Variants in CACNA2D3 observed in about 807,000 individuals in gnomAD.
CACNA2D3 encodes voltage-dependent calcium channel subunit alpha-2/delta-3.
In CACNA2D3, 60 loss-of-function variants were observed where a neutral mutation model predicts 160.6. That is an observed-to-expected ratio of 0.37 (90% CI 0.30 to 0.46). The LOEUF (loss-of-function observed/expected upper bound fraction) is 0.46. Ranked by LOEUF, CACNA2D3 falls within the 20% of genes least tolerant of loss-of-function variation. The probability of loss-of-function intolerance (pLI) is 1.00; values close to 1 mark genes in which losing one functional copy is unlikely to be tolerated. For synonymous variants in CACNA2D3, 558 were observed against 492.9 expected (o/e 1.13, Z -1.75); for missense variants, 1,205 against 1,365.0 (o/e 0.88, Z 1.85).
chr3:54,865,151 A>G (rs569879035), intron 17 of CACNA2D3, among the ~76,000 whole-genome samples: 1 of 152,352 alleles, frequency 6.6e-6, no homozygotes, highest in South Asian at 2.1e-4. Flanking sequence ...TTTTAGGAAA[A>G]CAATGAACCT....
chr3:54,270,863 A>T (rs898903825), intron 2 of CACNA2D3, among the ~76,000 whole-genome samples: 1 of 152,192 alleles, frequency 6.6e-6, no homozygotes, highest in East Asian at 1.9e-4. Flanking sequence ...TCCATCTTCA[A>T]AACAGTGCAC....
At chr3:54,144,480 A>G (rs1430884348) in intron 2 of CACNA2D3, among the ~76,000 whole-genome samples, 2 of 152,222 alleles carry the variant, frequency 1.3e-5, no homozygotes, top group African/African-American at 4.8e-5. Flanking sequence ...TTGCATGTGC[A>G]TATGTGAAAT....
At chr3:54,481,447 T>TG (rs918090135) in intron 4 of CACNA2D3, among the ~76,000 whole-genome samples, 1 of 152,144 alleles carries the variant, frequency 6.6e-6, no homozygotes. Flanking sequence ...CCCTGGAATT[T>TG]GGGGTGGCTT....
At chr3:54,976,906 G>T (rs542366804) in intron 29 of CACNA2D3, among the ~76,000 whole-genome samples, 3 of 152,136 alleles carry the variant, frequency 2.0e-5, no homozygotes, top group Non-Finnish European at 4.4e-5. Flanking sequence ...TATAAGGAGG[G>T]CCTCGTTCTA....
chr3:54,409,034 A>G (rs781445246), intron 4 of CACNA2D3, among the ~76,000 whole-genome samples: 1 of 152,144 alleles, frequency 6.6e-6, no homozygotes, highest in Non-Finnish European at 1.5e-5. Flanking sequence ...ACCTTTATTC[A>G]TTTATGTATT....
chr3:54,618,716 A>T (rs56356828), intron 9 of CACNA2D3, among the ~76,000 whole-genome samples: 21 of 152,052 alleles, frequency 1.4e-4, no homozygotes, highest in Admixed American at 6.5e-5. Flanking sequence ...CTGCTCCCCC[A>T]ATCCTGGGCC....
intron 27 of CACNA2D3, among the ~76,000 whole-genome samples, chr3:54,906,019 A>G (rs577962899): frequency 6.6e-5 from 10 of 152,284 alleles, no homozygotes; most frequent in Non-Finnish European, 1.0e-4. Flanking sequence ...GCGATTGTCA[A>G]TTGATGACAA....
chr3:54,887,438 CAAAT>C (rs1699953028), intron 23 of CACNA2D3, among the ~76,000 whole-genome samples: 1 of 151,762 alleles, frequency 6.6e-6, no homozygotes, highest in Non-Finnish European at 1.5e-5. Context: ...AAAAAATAAA[CAAAT>C]AAATAAAAAT....
intron 4 of CACNA2D3, among the ~76,000 whole-genome samples, chr3:54,462,849 T>C (rs1350941622): frequency 6.6e-6 from 1 of 151,464 alleles, no homozygotes; most frequent in African/African-American, 2.4e-5. Flanking sequence ...GCTCATTAGT[T>C]GATGCAGTTT....
chr3:54,841,439 A>G (rs971274900), intron 16 of CACNA2D3, among the ~76,000 whole-genome samples: 6 of 152,206 alleles, frequency 3.9e-5, no homozygotes, highest in Non-Finnish European at 1.5e-5. Context: ...TAGATATGGC[A>G]TAAGTTAACC....
intron 29 of CACNA2D3, among the ~76,000 whole-genome samples, chr3:54,982,766 C>G (rs1702533568): frequency 6.6e-6 from 1 of 151,756 alleles, no homozygotes; most frequent in Non-Finnish European, 1.5e-5. Context: ...TCATGCCTCC[C>G]CTTTTTAGAC....
chr3:54,426,755 G>A (rs1262090416), intron 4 of CACNA2D3, among the ~76,000 whole-genome samples: 1 of 152,078 alleles, frequency 6.6e-6, no homozygotes, highest in Non-Finnish European at 1.5e-5. Flanking sequence ...ATTCTTAATA[G>A]TTCTTGTGTA....
At chr3:54,544,283 A>G (rs1391697270) in intron 5 of CACNA2D3, among the ~76,000 whole-genome samples, 3 of 152,140 alleles carry the variant, frequency 2.0e-5, no homozygotes, top group Admixed American at 6.5e-5. Context: ...AAATAATTCT[A>G]CCTTTTAATG....
chr3:54,495,742 T>G (rs1224334404), intron 4 of CACNA2D3, among the ~76,000 whole-genome samples: 1 of 152,112 alleles, frequency 6.6e-6, no homozygotes, highest in Admixed American at 6.5e-5. Context: ...AGAGTGAGAC[T>G]CTGTCTCAAA....
intron 9 of CACNA2D3, among the ~76,000 whole-genome samples, chr3:54,616,249 C>T (rs994610572): frequency 1.3e-5 from 2 of 152,138 alleles, no homozygotes; most frequent in African/African-American, 2.4e-5. Context: ...GGCTGGTCTT[C>T]CAAGGGCTGG....
chr3:55,021,768 T>A (rs1177669197), intron 35 of CACNA2D3, among the ~76,000 whole-genome samples: 1 of 150,928 alleles, frequency 6.6e-6, no homozygotes, highest in East Asian at 1.9e-4. Context: ...AGTTTCTCAT[T>A]TTTACCATTT....
intron 9 of CACNA2D3, among the ~76,000 whole-genome samples, chr3:54,600,370 G>A (rs776798673): frequency 3.1e-4 from 47 of 152,286 alleles, no homozygotes; most frequent in Non-Finnish European, 6.2e-4. Flanking sequence ...TCCTTAGAGG[G>A]AGAAGATGAT....
At chr3:54,752,908 T>G (rs1396780019) in intron 12 of CACNA2D3, among the ~76,000 whole-genome samples, 1 of 151,552 alleles carries the variant, frequency 6.6e-6, no homozygotes, top group Non-Finnish European at 1.5e-5. Flanking sequence ...TTGCCCAGGC[T>G]GGAGTGCAGT....
chr3:54,436,194 T>C (rs1439495072), intron 4 of CACNA2D3, among the ~76,000 whole-genome samples: 1 of 152,042 alleles, frequency 6.6e-6, no homozygotes, highest in Non-Finnish European at 1.5e-5. Context: ...TCATCACTGG[T>C]CATTAGAAAA....
Sources: allele counts gnomAD v4.1 joint callset (sites outside exome capture counted in the v4.1 genomes callset), GRCh38; gene constraint gnomAD v4.1.1; transcripts MANE v1.5; gene names NCBI Gene and HGNC (gene_info 2026-07-23, HGNC 2026-07-21).